Variants in EPS8 observed in about 807,000 individuals in gnomAD.
The protein encoded by EPS8 is epidermal growth factor receptor kinase substrate 8.
EPS8 carries 42 observed loss-of-function variants against 103.8 expected under a neutral mutation model. That is an observed-to-expected ratio of 0.40 (90% CI 0.32 to 0.52). EPS8 has a LOEUF of 0.52. EPS8 is among the 20% of genes least tolerant of loss of function. The pLI is 0.40. For synonymous variants in EPS8, 344 were observed against 344.6 expected (o/e 1.00, Z 0.02); for missense variants, 969 against 1,005.1 (o/e 0.96, Z 0.49).
rs1218112266 is a variant in EPS8 at position 15,647,131 on chromosome 12, C to T, written c.1564G>A (p.Asp522Asn). Reference sequence around the variant, plus strand: ...AGGGTGCCCATTAAATGTTACCTATCTATATGGCGATTAGAAGTTGGCTTA... The same window carrying T: ...AGGGTGCCCATTAAATGTTACCTATTTATATGGCGATTAGAAGTTGGCTTA... ...AFKPTSNRHI[D>N]RNYEPLKTQP... is the part of the protein sequence containing the mutation. The change falls in exon 15 of 21, where the codon GAT becomes AAT. Residue 522 changes from aspartate (D) to asparagine (N), a missense_variant. By Grantham distance (23) the Asp-to-Asn change is conservative. Coordinates refer to ENST00000281172, the MANE Select transcript of EPS8 (RefSeq NM_004447.6). 3 of 1,613,114 alleles carry T rather than the reference C, an allele frequency of 1.9e-6. No homozygotes were observed. Among genetic ancestry groups the T allele is most frequent in the Non-Finnish European group, 2.5e-6 (3 of 1,179,582 alleles).
intron 1 of EPS8, among the ~76,000 whole-genome samples, chr12:15,754,337 G>C (rs1946963525): frequency 6.6e-6 from 1 of 152,146 alleles, no homozygotes; most frequent in Non-Finnish European, 1.5e-5. Context: ...GGAGCTGGCA[G>C]AGGTCATGAG....
intron 4 of EPS8, among the ~76,000 whole-genome samples, 176 bp from the exon 5 acceptor site, chr12:15,670,001 GT>G (rs895275489): frequency 2.0e-5 from 3 of 151,924 alleles, no homozygotes; most frequent in South Asian, 2.1e-4. Flanking sequence ...GCCAACCAAG[GT>G]TTTTTTTGAA....
rs1354363730 is a variant in EPS8 at position 15,779,084 on chromosome 12, T to C, written c.-22+10077A>G. On this transcript the variant is annotated intron_variant, in intron 1 of 20. Transcript: ENST00000281172. This position sits in a 1 kb window ranked among gnomAD's most constrained non-coding sequence, Gnocchi z 4.3. The stretch of plus-strand genomic sequence containing the variant: ...CCTCCTGCCTCCCGGGTTCAAGCAA[T>C]TCTCCTGCCTCAGCCTCCCGAGTAG... Among the ~76,000 whole-genome samples the C allele has an allele frequency of 6.6e-6, 1 of 152,186 alleles. No individual in the cohort carries two copies. The highest frequency in any genetic ancestry group is 1.5e-5 in the Non-Finnish European group (1 of 68,034).
chr12:15,627,619 A>T (rs1466632589), intron 18 of EPS8, among the ~76,000 whole-genome samples: 1 of 152,192 alleles, frequency 6.6e-6, no homozygotes, highest in Non-Finnish European at 1.5e-5. Context: ...CTTTCAGCAG[A>T]GGGCTGTTTT....
In EPS8 at chr12:15,748,306, T is replaced by C. The variant is rs1168438055; in HGVS notation, c.-22+40855A>G. Among the ~76,000 whole-genome samples the C allele has an allele frequency of 6.6e-6, 1 of 152,240 alleles. No individual in the cohort carries two copies. Among genetic ancestry groups the C allele is most frequent in the African/African-American group, 2.4e-5 (1 of 41,460 alleles). ...TATCAATTAAAATATTATGAAGTAA[T>C]ATTCTTAAGTCAAATGCTCACCAAT... On this transcript the variant is annotated intron_variant, in intron 1 of 20. Coordinates refer to ENST00000281172, the MANE Select transcript of EPS8 (RefSeq NM_004447.6). The surrounding 1 kb of genome is among the most constrained non-coding windows in gnomAD (Gnocchi z 4.8).
In EPS8 at chr12:15,704,638, C is replaced by G. The variant is rs1946359738; in HGVS notation, c.-21-21666G>C. ...ATTCCATTCAGGAAGATGAAAAACT[C>G]CTAGAGATGGATGGTCATGATGGCT... On this transcript the variant is annotated intron_variant, in intron 1 of 20. Transcript: ENST00000281172. This position sits in a 1 kb window ranked among gnomAD's most constrained non-coding sequence, Gnocchi z 4.6. Among the ~76,000 whole-genome samples, 1 of 151,640 alleles carries G rather than the reference C, an allele frequency of 6.6e-6. No individual in the cohort carries two copies. Among genetic ancestry groups the G allele is most frequent in the Non-Finnish European group, 1.5e-5 (1 of 67,998 alleles).
At chr12:15,664,627 C>T (rs79053794) in intron 8 of EPS8, among the ~76,000 whole-genome samples, 2,702 of 152,268 alleles carry the variant, frequency 0.018, 58 homozygotes, top group African/African-American at 0.052. Flanking sequence ...TTTTACTCTG[C>T]ACATCCAAAG....
intron 15 of EPS8, among the ~76,000 whole-genome samples, chr12:15,644,690 T>A (rs571237939): frequency 1.0e-5 from 1 of 96,224 alleles, no homozygotes; most frequent in East Asian, 3.0e-4. Context: ...AGAGCAAGAC[T>A]CTGTCTCAAA....
rs1336650446 is a variant in EPS8, at chr12:15,662,421, A to G, written c.737-322T>C. 4 of 1,036,826 alleles carry G rather than the reference A, an allele frequency of 3.9e-6. No individual in the cohort carries two copies. In the South Asian group the frequency reaches 1.3e-4, roughly 33 times the overall value. The allele number at this position is 1,036,826 out of a possible 1,614,324, so 64.2% of individuals were successfully genotyped here. On this transcript the variant is annotated intron_variant, in intron 8 of 20. Transcript: ENST00000281172. ...ACTTAGCACCCTTTAATTCCTACACAAGCCAGAAATATAAACCAGCAGTCA... is the reference window on the plus strand; with the variant it reads ...ACTTAGCACCCTTTAATTCCTACACGAGCCAGAAATATAAACCAGCAGTCA...
At position 15,693,695 on chromosome 12, in the gene EPS8, T is replaced by A. The variant is rs527552212; in HGVS notation, c.-21-10723A>T. Among the ~76,000 whole-genome samples the A allele has an allele frequency of 6.6e-6, 1 of 152,256 alleles. No homozygotes were observed. Among genetic ancestry groups the A allele is most frequent in the African/African-American group, 2.4e-5 (1 of 41,560 alleles). ...AGTGAAATAAATGCATATACCACCA[T>A]GGAATACTATGCAGCCATAAAAAGG... On this transcript the variant is annotated intron_variant, in intron 1 of 20. Coordinates refer to ENST00000281172, the MANE Select transcript of EPS8 (RefSeq NM_004447.6). The surrounding 1 kb of genome is among the most constrained non-coding windows in gnomAD (Gnocchi z 5.6).
chr12:15,630,602 T>C (rs1945027950), intron 18 of EPS8, among the ~76,000 whole-genome samples: 1 of 152,176 alleles, frequency 6.6e-6, no homozygotes, highest in African/African-American at 2.4e-5. Flanking sequence ...CACATGAAAT[T>C]TGAATTTGGA....
Position 15,697,112 on chromosome 12 carries a change from A to G in EPS8, c.-21-14140T>C, listed in dbSNP as rs1367723097. ...ACTGGGAAAATGGCCTATAGACTGA[A>G]GAAGGGAAAACTTGAGGGACAAGCA... On this transcript the variant is annotated intron_variant, in intron 1 of 20. Transcript: ENST00000281172. The surrounding 1 kb of genome is among the most constrained non-coding windows in gnomAD (Gnocchi z 5.6). Among the ~76,000 whole-genome samples the G allele has an allele frequency of 3.9e-5, 6 of 152,188 alleles. No homozygotes were observed. The highest frequency in any genetic ancestry group is 7.3e-5 in the Non-Finnish European group (5 of 68,036).
chr12:15,624,523 T>C, intron 18 of EPS8, 116 bp from the exon 19 acceptor site: 1 of 680,854 alleles, frequency 1.5e-6, no homozygotes, highest in Non-Finnish European at 2.4e-6. Context: ...CTAGTGTTCC[T>C]ACCATCTTTC....
At chr12:15,687,380 A>T (rs1253572242) in intron 1 of EPS8, among the ~76,000 whole-genome samples, 2 of 152,196 alleles carry the variant, frequency 1.3e-5, no homozygotes, top group African/African-American at 4.8e-5. Flanking sequence ...TTTCTAGACC[A>T]TATAGAAGAA....
At position 15,658,521 on chromosome 12, in the gene EPS8, C is replaced by A. The variant is rs773069210; in HGVS notation, c.1002G>T (p.Lys334Asn). 5 of 1,612,540 alleles carry A rather than the reference C, an allele frequency of 3.1e-6. No individual in the cohort carries two copies. The East Asian group carries it at 1.1e-4, about 36-fold the overall frequency. The part of the protein sequence containing the change: ...PPDEFLDCFQ[K>N]FKHGFNLLAK... ...CCAGAAGGTTAAATCCGTGTTTAAA[C>A]TTTTGGAAACAGTCAAGAAATTCAT... Residue 334 changes from lysine (K) to asparagine (N), a missense_variant, in exon 11 of 21, where the codon AAG (lysine) becomes AAT (asparagine). Physicochemically the swap from Lys to Asn is moderately conservative, Grantham distance 94 (BLOSUM62 0). Transcript: ENST00000281172.
At chr12:15,682,472 T>C (rs1946024963) in intron 2 of EPS8, among the ~76,000 whole-genome samples, 1 of 152,226 alleles carries the variant, frequency 6.6e-6, no homozygotes, top group Non-Finnish European at 1.5e-5. Context: ...TGATCTTTTC[T>C]AGTTTTACAC....
chr12:15,743,038 T>C (rs139315481), intron 1 of EPS8, among the ~76,000 whole-genome samples: 1 of 152,202 alleles, frequency 6.6e-6, no homozygotes, highest in African/African-American at 2.4e-5. Flanking sequence ...AAAATCTCCT[T>C]AAGCTGATAA....
At chr12:15,726,693 T>C (rs977844851) in intron 1 of EPS8, among the ~76,000 whole-genome samples, 8 of 152,226 alleles carry the variant, frequency 5.3e-5, no homozygotes, top group Non-Finnish European at 1.0e-4. Context: ...AATGACAATC[T>C]GTAGCTTTAT....
chr12:15,685,780 T>C, intron 1 of EPS8, among the ~76,000 whole-genome samples: 1 of 152,334 alleles, frequency 6.6e-6, no homozygotes, highest in African/African-American at 2.4e-5. Context: ...CAAATGTTTG[T>C]CTTTTTTTCC....
Sources: gnomAD v4.1 joint callset for allele counts (sites outside exome capture counted in the v4.1 genomes callset) on GRCh38, gnomAD v4.1.1 for gene constraint, Gnocchi (gnomAD v3.1) non-coding constraint, MANE v1.5 for transcripts, NCBI Gene and HGNC (gene_info 2026-07-23, HGNC 2026-07-21) for gene names.